TAB2: variants seen among roughly 807,000 people sequenced by gnomAD.
TAB2 encodes TGF-beta activated kinase 1 (MAP3K7) binding protein 2.
A neutral mutation model predicts 65.0 loss-of-function variants in TAB2; 3 were observed. The observed-to-expected ratio is 0.05, with a 90% confidence interval of 0.02 to 0.12. The LOEUF is 0.12. Among genes scored for constraint, TAB2 ranks in the 10% least tolerant of loss-of-function variants. TAB2 has a pLI of 1.00. For synonymous variants in TAB2, 298 were observed against 285.1 expected (o/e 1.05, Z -0.46); for missense variants, 623 against 840.3 (o/e 0.74, Z 3.20).
At chr6:149,218,618 T>TTCCTGG, upstream of TAB2, 1 of 351,486 alleles carries the variant, frequency 2.8e-6, no homozygotes, top group South Asian at 2.2e-5. Context: ...CTTATATTCT[T>TTCCTGG]ACAGATGAGA....
chr6:149,330,611 C>T (rs1006812329), intron 1 of TAB2, among the ~76,000 whole-genome samples: 4 of 152,182 alleles, frequency 2.6e-5, no homozygotes, highest in Non-Finnish European at 4.4e-5. Context: ...GTCTTTTGCT[C>T]ATATTCTAAT....
intron 1 of TAB2, among the ~76,000 whole-genome samples, chr6:149,310,482 C>T (rs1402929954): frequency 6.6e-6 from 1 of 152,034 alleles, no homozygotes; most frequent in African/African-American, 2.4e-5. Flanking sequence ...TCTTACAAAT[C>T]CTATATTTTT....
At chr6:149,400,357 G>T (rs962679302) in intron 6 of TAB2, 2 of 1,604,402 alleles carry the variant, frequency 1.2e-6, no homozygotes, top group South Asian at 1.1e-5. Context: ...CACCTCTTTT[G>T]TGAAGCAGCA....
At chr6:149,225,797 G>A (rs998523556) in intron 1 of TAB2, among the ~76,000 whole-genome samples, 12 of 152,018 alleles carry the variant, frequency 7.9e-5, no homozygotes, top group African/African-American at 2.4e-4. Context: ...TTGGTGTTAG[G>A]TACTCCCATT....
At chr6:149,349,927 G>GCATT (rs377536561) in intron 1 of TAB2, among the ~76,000 whole-genome samples, 20 of 152,004 alleles carry the variant, frequency 1.3e-4, no homozygotes, top group Admixed American at 2.6e-4. Flanking sequence ...ATACATGCAT[G>GCATT]CATTCATTCA....
At chr6:149,400,223 C>G (rs570868018) in intron 6 of TAB2, 2 of 685,682 alleles carry the variant, frequency 2.9e-6, no homozygotes, top group Admixed American at 3.0e-5. Context: ...CCCAACAGCT[C>G]GTGCTGGCGC....
chr6:149,308,999 G>A (rs767190733), intron 1 of TAB2, among the ~76,000 whole-genome samples: 2 of 141,654 alleles, frequency 1.4e-5, no homozygotes, highest in Non-Finnish European at 3.0e-5. Context: ...CTAGTGTAAT[G>A]CCTGACCCAG....
chr6:149,251,854 C>A (rs1482729467), intron 1 of TAB2, among the ~76,000 whole-genome samples: 22 of 152,100 alleles, frequency 1.4e-4, no homozygotes, highest in Admixed American at 1.2e-3. Flanking sequence ...CATTGTACTA[C>A]CTTACTAATT....
intron 1 of TAB2, among the ~76,000 whole-genome samples, chr6:149,223,054 TA>T (rs374308615): frequency 1.1e-4 from 16 of 152,310 alleles, no homozygotes; most frequent in African/African-American, 3.6e-4. Flanking sequence ...TCAAGTCTAA[TA>T]AAAAAATTCT....
intron 1 of TAB2, among the ~76,000 whole-genome samples, chr6:149,258,256 A>G (rs1047836887): frequency 6.6e-6 from 1 of 152,076 alleles, no homozygotes; most frequent in African/African-American, 2.4e-5. Context: ...GGGAAAATAA[A>G]ACCCTGACTT....
At chr6:149,309,216 A>T (rs1779124183) in intron 1 of TAB2, among the ~76,000 whole-genome samples, 1 of 152,202 alleles carries the variant, frequency 6.6e-6, no homozygotes, top group East Asian at 1.9e-4. Flanking sequence ...GATTATGACA[A>T]TCATAGCAAC....
intron 1 of TAB2, among the ~76,000 whole-genome samples, chr6:149,278,488 G>A (rs1477541930): frequency 2.0e-5 from 3 of 152,170 alleles, no homozygotes; most frequent in African/African-American, 2.4e-5. Context: ...ATTGATACAG[G>A]TATATGAAGG....
At chr6:149,223,514 T>C (rs1777200544) in intron 1 of TAB2, among the ~76,000 whole-genome samples, 1 of 152,204 alleles carries the variant, frequency 6.6e-6, no homozygotes, top group African/African-American at 2.4e-5. Flanking sequence ...TCCCGGCCTG[T>C]CCTAATCTGT....
intron 1 of TAB2, among the ~76,000 whole-genome samples, chr6:149,332,285 G>A (rs1239788007): frequency 6.6e-6 from 1 of 152,112 alleles, no homozygotes; most frequent in Admixed American, 6.6e-5. Flanking sequence ...TATGAATTTG[G>A]GAGTATCAGT....
Position 149,397,631 on chromosome 6 carries a change from T to C in TAB2, c.1631T>C (p.Met544Thr), listed in dbSNP as rs747237511. 1 of 1,614,078 alleles carries C rather than the reference T, an allele frequency of 6.2e-7. No homozygotes were observed. The highest frequency in any genetic ancestry group is 1.1e-5 in the South Asian group (1 of 91,086). Residue 544 changes from methionine (M) to threonine (T), a missense_variant, in exon 4 of 7, where the codon ATG (methionine) becomes ACG (threonine). Physicochemically the swap from Met to Thr is moderately conservative, Grantham distance 81. Coordinates refer to ENST00000637181, the MANE Select transcript of TAB2 (RefSeq NM_001292034.3). ...QALLVHQKAR[M>T]ERLQRELEIQ... is the part of the protein sequence containing the mutation. ...CTTTTGGTACACCAGAAGGCCAGAA[T>C]GGAACGACTTCAAAGAGAACTTGAG...
At position 149,350,617 on chromosome 6, in the gene TAB2, C is replaced by CTTT. The variant is rs150204735; in HGVS notation, c.-89-19270_-89-19268dup. On this transcript the variant is annotated intron_variant, in intron 1 of 6. Coordinates refer to ENST00000637181, the MANE Select transcript of TAB2 (RefSeq NM_001292034.3). ...ATTCGGCATGAACCATATTTTATGT[C>CTTT]TTTTTTTTTTTTTTTTTTTTTTTTA... is the stretch of plus-strand genomic sequence containing the variant. Among the ~76,000 whole-genome samples the CTTT allele has an allele frequency of 8.2e-4, 76 of 92,496 alleles. 1 individual carries two copies. The highest frequency in any genetic ancestry group is 6.0e-3 in the Middle Eastern group (1 of 166). 60.7% of individuals were successfully genotyped at this position (92,496 alleles called of 152,430 possible). A position where few individuals can be genotyped will look rare whatever the true frequency, so the allele number is the denominator to read the frequency against.
chr6:149,342,352 T>A (rs189016238), intron 1 of TAB2, among the ~76,000 whole-genome samples: 6 of 152,180 alleles, frequency 3.9e-5, no homozygotes, highest in Non-Finnish European at 8.8e-5. Context: ...TTGGATTTTG[T>A]TGTTGTTTTT....
intron 3 of TAB2, chr6:149,380,102 T>G: frequency 2.9e-6 from 1 of 348,082 alleles, no homozygotes; most frequent in Non-Finnish European, 5.6e-6. Context: ...TATGCAGGCA[T>G]GGTGGCACAC....
intron 1 of TAB2, among the ~76,000 whole-genome samples, chr6:149,293,899 A>C (rs1396931882): frequency 6.6e-6 from 1 of 152,206 alleles, no homozygotes; most frequent in Non-Finnish European, 1.5e-5. Flanking sequence ...GTTATAAAAA[A>C]TTTGTTTCAA....
Sources: allele counts gnomAD v4.1 joint callset (sites outside exome capture counted in the v4.1 genomes callset), GRCh38; gene constraint gnomAD v4.1.1; transcripts MANE v1.5; gene names NCBI Gene and HGNC (gene_info 2026-07-23, HGNC 2026-07-21).